Variants in CPEB2 observed in about 807,000 individuals in gnomAD.
The protein encoded by CPEB2 is cytoplasmic polyadenylation element binding protein 2.
In CPEB2, 56 loss-of-function variants were observed where a neutral mutation model predicts 93.6. The ratio of observed to expected loss-of-function variants is 0.60; its 90% CI spans 0.48 to 0.75. The LOEUF is 0.75. Ranked by LOEUF, CPEB2 falls within the 30% of genes least tolerant of loss-of-function variation. The pLI, the probability that CPEB2 is intolerant of heterozygous loss-of-function variation, is 0.00. For synonymous variants in CPEB2, 764 were observed against 586.3 expected, an observed-to-expected ratio of 1.30 and a Z score of -4.38; for missense variants, 1,579 against 1,395.1, an observed-to-expected ratio of 1.13 and a Z score of -2.10.
In CPEB2 at chr4:15,004,233, G is replaced by C; in HGVS notation, c.1560G>C (p.Gln520His). Reference sequence around the variant, plus strand: ...CCCCGCCGCCCGCGGCGCCGCAGCAGCCGCAGAGCCGGAGGTCGCCCGTCA... The same window carrying C: ...CCCCGCCGCCCGCGGCGCCGCAGCACCCGCAGAGCCGGAGGTCGCCCGTCA... ...QQPPPPAAPQ[Q>H]PQSRRSPVSP... is the part of the protein sequence containing the mutation. Residue 520 changes from glutamine to histidine, a missense_variant, in exon 1 of 12, where the codon CAG becomes CAC. Physicochemically the swap from Gln to His is conservative, Grantham distance 24 (BLOSUM62 0). Around this residue, in one of 2 missense-constraint regions of CPEB2, gnomAD observed 1,411 missense variants for 1,056.0 expected, o/e 1.34. Transcript: ENST00000538197. The C allele has an allele frequency of 6.7e-7, 1 of 1,485,086 alleles. No homozygotes were observed. Among genetic ancestry groups the C allele is most frequent in the Non-Finnish European group, 8.9e-7 (1 of 1,123,318 alleles). The allele number at this position is 1,485,086 out of a possible 1,614,324, so 92.0% of individuals were successfully genotyped here. A position where few individuals can be genotyped will look rare whatever the true frequency, so the allele number is the denominator to read the frequency against.
chr4:15,058,307 C>A, intron 8 of CPEB2, 114 bp from the exon 9 acceptor site: 1 of 652,962 alleles, frequency 1.5e-6, no homozygotes, highest in South Asian at 1.9e-5. Context: ...GTTTTTCATC[C>A]TATTTGATAG....
At chr4:15,042,872 T>TAA (rs1404086430) in intron 6 of CPEB2, among the ~76,000 whole-genome samples, 1 of 152,166 alleles carries the variant, frequency 6.6e-6, no homozygotes, top group Non-Finnish European at 1.5e-5. Context: ...AACACCCCCT[T>TAA]TTATATAGCC....
intron 10 of CPEB2, 72 bp downstream of exon 10, chr4:15,059,373 G>A (rs1194415635): frequency 1.4e-5 from 14 of 992,432 alleles, no homozygotes; most frequent in Admixed American, 5.6e-5. Context: ...ATAAACGTTT[G>A]GAAGCTATTG....
At chr4:15,009,234 T>G (rs1723178802) in intron 3 of CPEB2, among the ~76,000 whole-genome samples, 1 of 152,232 alleles carries the variant, frequency 6.6e-6, no homozygotes, top group South Asian at 2.1e-4. Context: ...TTATTCTAAG[T>G]CTCTTCCTTG....
intron 5 of CPEB2, among the ~76,000 whole-genome samples, chr4:15,039,853 T>C (rs759078575): frequency 2.6e-5 from 4 of 152,166 alleles, no homozygotes; most frequent in Non-Finnish European, 5.9e-5. Flanking sequence ...ATTAAAGTGA[T>C]AGAAAGCATT....
At position 15,067,779 on chromosome 4, in the gene CPEB2, A is replaced by C. The variant is rs920362827; in HGVS notation, c.*1399A>C. ...ACTTGCTTATGTGTTTAACCTATAA[A>C]TATTGGGGTCTTCTGTCTAAACTGG... On this transcript the variant is annotated 3_prime_UTR_variant, in exon 12 of 12. Transcript: ENST00000538197. 3.9e-5 allele frequency: 6 copies of C among 152,430 alleles called. No individual in the cohort carries two copies. The highest frequency in any genetic ancestry group is 2.9e-5 in the Non-Finnish European group (2 of 67,940). The allele number at this position is 152,430 out of a possible 1,614,324, so 9.4% of individuals were successfully genotyped here.
chr4:15,039,489 TTTAAA>T (rs1299878282), intron 5 of CPEB2, among the ~76,000 whole-genome samples: 1 of 151,564 alleles, frequency 6.6e-6, no homozygotes, highest in Non-Finnish European at 1.5e-5. Flanking sequence ...AATCTGTGAA[TTTAAA>T]ATAAGATCTT....
In CPEB2 at chr4:15,003,629, A is replaced by G; in HGVS notation, c.956A>G (p.His319Arg). ...PAPGSMESPN[H>R]PLLNSPSNLL... is the part of the protein sequence containing the mutation. ...CCGGGCTCCATGGAGTCCCCCAACC[A>G]CCCTCTGCTCAACAGTCCCAGTAAC... Residue 319 changes from histidine (H) to arginine (R), a missense_variant, in exon 1 of 12, where the codon CAC becomes CGC. This residue lies in a region of CPEB2 where 1,411 missense variants were observed against 1,056.0 expected (regional missense o/e 1.34). Coordinates refer to ENST00000538197, the MANE Select transcript of CPEB2 (RefSeq NM_001177382.2). 1 of 1,479,910 alleles carries G rather than the reference A, an allele frequency of 6.8e-7. No homozygotes were observed. 91.7% of individuals were successfully genotyped at this position (1,479,910 alleles called of 1,614,324 possible).
At chr4:15,053,962 A>G (rs1215888295) in intron 7 of CPEB2, among the ~76,000 whole-genome samples, 166 bp from the exon 8 acceptor site, 2 of 152,176 alleles carry the variant, frequency 1.3e-5, no homozygotes, top group East Asian at 1.9e-4. Flanking sequence ...TAATCTTGAC[A>G]TATTATTTTA....
intron 4 of CPEB2, among the ~76,000 whole-genome samples, chr4:15,026,961 T>C (rs1725542183): frequency 6.6e-6 from 1 of 152,188 alleles, no homozygotes; most frequent in African/African-American, 2.4e-5. Flanking sequence ...CCATTTGCTA[T>C]TCCTACTGGT....
intron 3 of CPEB2, chr4:15,010,593 C>T (rs1723343469): frequency 6.6e-6 from 1 of 152,178 alleles, no homozygotes; most frequent in African/African-American, 2.4e-5. Flanking sequence ...AAATTGATAT[C>T]TTAAAATGTT....
chr4:15,012,007 A>T (rs1217536462), intron 3 of CPEB2, among the ~76,000 whole-genome samples: 2 of 152,192 alleles, frequency 1.3e-5, no homozygotes, highest in Non-Finnish European at 2.9e-5. Context: ...TAATTTGGAG[A>T]TCTGTCTCAG....
At chr4:15,055,681 T>C (rs775420178) in intron 8 of CPEB2, among the ~76,000 whole-genome samples, 2 of 152,154 alleles carry the variant, frequency 1.3e-5, no homozygotes, top group Non-Finnish European at 2.9e-5. Flanking sequence ...AACCCTTTAA[T>C]GGTTTCTCTT....
chr4:15,032,567 T>A (rs112650354), intron 4 of CPEB2, among the ~76,000 whole-genome samples: 33 of 151,944 alleles, frequency 2.2e-4, no homozygotes, highest in African/African-American at 6.8e-4. Context: ...TAATTTTTTT[T>A]ATATTTTTAA....
intron 6 of CPEB2, among the ~76,000 whole-genome samples, chr4:15,051,898 A>T (rs752634158): frequency 5.3e-5 from 8 of 152,208 alleles, no homozygotes; most frequent in Non-Finnish European, 8.8e-5. Flanking sequence ...CATGTGCGGA[A>T]GCTCCGTCTA....
At chr4:15,063,275 C>G (rs1729375893) in intron 11 of CPEB2, among the ~76,000 whole-genome samples, 1 of 151,638 alleles carries the variant, frequency 6.6e-6, no homozygotes, top group Admixed American at 6.6e-5. Context: ...ATTACCCAAC[C>G]GTCTCATTTA....
chr4:15,008,129 TC>T (rs2108956283), intron 2 of CPEB2, among the ~76,000 whole-genome samples: 1 of 152,350 alleles, frequency 6.6e-6, no homozygotes, highest in Admixed American at 6.5e-5. Flanking sequence ...ACTTTTTTTT[TC>T]TTTCAGTATT....
At chr4:15,049,249 G>T (rs1048658938) in intron 6 of CPEB2, among the ~76,000 whole-genome samples, 3 of 151,396 alleles carry the variant, frequency 2.0e-5, no homozygotes, top group Non-Finnish European at 2.9e-5. Context: ...ATTTGTCACC[G>T]CATTCTTTTT....
chr4:15,004,068 C>G lies in CPEB2; in HGVS notation c.1395C>G (p.Phe465Leu), dbSNP rs757096621. Residue 465 changes from phenylalanine (F) to leucine (L), a missense_variant, in exon 1 of 12, where the codon TTC becomes TTG. Physicochemically the swap from Phe to Leu is conservative, Grantham distance 22. Transcript: ENST00000538197. Reference sequence around the variant, plus strand: ...TGAACCCGGCCTTCTTCCCTAGCTTCTCGCCCGTGTCGCCGCACGGCTGCA... The same window carrying G: ...TGAACCCGGCCTTCTTCCCTAGCTTGTCGCCCGTGTCGCCGCACGGCTGCA... Reference protein sequence around the residue: ...SSMNPAFFPSFSPVSPHGCTG... With the variant: ...SSMNPAFFPSLSPVSPHGCTG... The G allele has an allele frequency of 6.4e-7, 1 of 1,567,016 alleles. No homozygotes were observed. Among genetic ancestry groups the G allele is most frequent in the Non-Finnish European group, 8.6e-7 (1 of 1,159,518 alleles).
Sources: gnomAD v4.1 joint callset for allele counts (sites outside exome capture counted in the v4.1 genomes callset) on GRCh38, gnomAD v4.1.1 for gene constraint, gnomAD v4.1.1 regional missense constraint, MANE v1.5 for transcripts, NCBI Gene and HGNC (gene_info 2026-07-23, HGNC 2026-07-21) for gene names.